The following BACH2 variants were observed in gnomAD, a reference collection of about 807,000 sequenced individuals.
The protein encoded by BACH2 is transcription regulator protein BACH2.
A neutral mutation model predicts 61.8 loss-of-function variants in BACH2; 5 were observed. The ratio of observed to expected loss-of-function variants is 0.08; its 90% confidence interval spans 0.04 to 0.17. BACH2 has a LOEUF of 0.17. BACH2 is among the 10% of genes least tolerant of loss of function. The pLI is 1.00. For synonymous variants in BACH2, 446 were observed against 440.1 expected, an observed-to-expected ratio of 1.01 and a Z score of -0.17; for missense variants, 824 against 1,091.1, an observed-to-expected ratio of 0.76 and a Z score of 3.45.
chr6:90,206,041 A>G (rs1232546533), intron 4 of BACH2, among the ~76,000 whole-genome samples: 1 of 152,218 alleles, frequency 6.6e-6, no homozygotes, highest in Non-Finnish European at 1.5e-5. Context: ...TGTCCCCAAC[A>G]TTAAAAACAA....
intron 4 of BACH2, among the ~76,000 whole-genome samples, chr6:90,095,730 T>C (rs1782354761): frequency 6.6e-6 from 1 of 152,006 alleles, no homozygotes; most frequent in Non-Finnish European, 1.5e-5. Context: ...ATTGGAATAC[T>C]AGCCTGTATT....
At chr6:90,230,448 T>C (rs979706834) in intron 3 of BACH2, among the ~76,000 whole-genome samples, 2 of 152,164 alleles carry the variant, frequency 1.3e-5, no homozygotes, top group South Asian at 4.1e-4. Flanking sequence ...ATATAGAAAA[T>C]ACTCAGTAAA....
chr6:90,167,203 G>A (rs1767656355), intron 4 of BACH2, among the ~76,000 whole-genome samples: 1 of 152,170 alleles, frequency 6.6e-6, no homozygotes, highest in African/African-American at 2.4e-5. Context: ...CAGAGGTAGA[G>A]TGAAGCTATG....
chr6:90,183,422 T>G (rs1239982723), intron 4 of BACH2, among the ~76,000 whole-genome samples: 2 of 152,248 alleles, frequency 1.3e-5, no homozygotes, highest in African/African-American at 2.4e-5. Context: ...AAGTGTGATC[T>G]GTGAAATTCT....
At chr6:90,058,384 G>C (rs553796063) in intron 5 of BACH2, among the ~76,000 whole-genome samples, 1 of 152,164 alleles carries the variant, frequency 6.6e-6, no homozygotes, top group Non-Finnish European at 1.5e-5. Flanking sequence ...TTGCTTCAAA[G>C]AGAATAAAAT....
chr6:90,218,203 G>A (rs1395215437), intron 3 of BACH2: 2 of 152,174 alleles, frequency 1.3e-5, no homozygotes, highest in African/African-American at 2.4e-5. Context: ...GTAGTTTACC[G>A]CTACTGGAAC....
chr6:90,080,838 C>CA, intron 5 of BACH2: 1 of 927,654 alleles, frequency 1.1e-6, no homozygotes, highest in African/African-American at 1.8e-5. Flanking sequence ...GCAGAGCTAA[C>CA]ACCGTCTTCA....
chr6:90,100,257 A>G (rs779075641), intron 4 of BACH2, among the ~76,000 whole-genome samples: 5 of 152,182 alleles, frequency 3.3e-5, no homozygotes, highest in Non-Finnish European at 5.9e-5. Flanking sequence ...ATGGTTAGAC[A>G]TATTTGGACA....
intron 6 of BACH2, among the ~76,000 whole-genome samples, chr6:89,991,563 A>T (rs902786664): frequency 4.6e-5 from 7 of 152,232 alleles, no homozygotes; most frequent in Admixed American, 1.3e-4. Context: ...ACCACTAAAT[A>T]CTTCTGCATA....
chr6:90,075,174 T>C (rs1781417347), intron 5 of BACH2, among the ~76,000 whole-genome samples: 1 of 152,176 alleles, frequency 6.6e-6, no homozygotes, highest in South Asian at 2.1e-4. Flanking sequence ...AGGCACATAC[T>C]ACCATTAAAG....
chr6:90,250,517 C>CATTT (rs1260422018), intron 3 of BACH2, among the ~76,000 whole-genome samples: 2 of 152,062 alleles, frequency 1.3e-5, no homozygotes, highest in African/African-American at 4.8e-5. Context: ...TTCATTCATT[C>CATTT]GACAGATATT....
At chr6:90,261,076 T>C (rs1771142286) in intron 2 of BACH2, among the ~76,000 whole-genome samples, 1 of 152,206 alleles carries the variant, frequency 6.6e-6, no homozygotes, top group African/African-American at 2.4e-5. Flanking sequence ...ACTACGCTTC[T>C]AGCTGTAGAT....
chr6:90,102,839 T>A (rs145820033), intron 4 of BACH2, among the ~76,000 whole-genome samples: 3,871 of 122,060 alleles, frequency 0.032, 97 homozygotes, highest in Middle Eastern at 0.077. Context: ...ATAATAATAA[T>A]AAAAATAAAA....
At chr6:89,945,320 C>T (rs1457014418) in intron 7 of BACH2, among the ~76,000 whole-genome samples, 2 of 152,084 alleles carry the variant, frequency 1.3e-5, no homozygotes, top group African/African-American at 4.8e-5. Flanking sequence ...CAAAATGGAT[C>T]AACATTATGG....
chr6:90,133,451 A>C (rs181424177), intron 4 of BACH2, among the ~76,000 whole-genome samples: 234 of 152,364 alleles, frequency 1.5e-3, no homozygotes, highest in Non-Finnish European at 2.6e-3. Flanking sequence ...GCTTTGAGAT[A>C]TAATTCAGTA....
At chr6:90,041,004 A>C (rs1414386335) in intron 5 of BACH2, among the ~76,000 whole-genome samples, 1 of 152,200 alleles carries the variant, frequency 6.6e-6, no homozygotes, top group Non-Finnish European at 1.5e-5. Flanking sequence ...CAATCATATC[A>C]TCTGCAAATA....
At chr6:90,282,521 T>C (rs1771889480) in intron 1 of BACH2, among the ~76,000 whole-genome samples, 1 of 152,184 alleles carries the variant, frequency 6.6e-6, no homozygotes, top group East Asian at 1.9e-4. Flanking sequence ...TTCCATGGTG[T>C]ATGTACCACA....
At chr6:90,172,826 TTAAA>T (rs1318948014) in intron 4 of BACH2, among the ~76,000 whole-genome samples, 1 of 152,076 alleles carries the variant, frequency 6.6e-6, no homozygotes, top group Non-Finnish European at 1.5e-5. Context: ...ATGACTATGT[TTAAA>T]TAGAGTATAA....
intron 5 of BACH2, among the ~76,000 whole-genome samples, chr6:90,015,318 T>G (rs1319674436): frequency 6.6e-6 from 1 of 152,140 alleles, no homozygotes; most frequent in African/African-American, 2.4e-5. Flanking sequence ...TTGCTTACTT[T>G]GGGTTTAATT....
Sources: gnomAD v4.1 joint callset for allele counts (sites outside exome capture counted in the v4.1 genomes callset) on GRCh38, gnomAD v4.1.1 for gene constraint, MANE v1.5 for transcripts, NCBI Gene and HGNC (gene_info 2026-07-23, HGNC 2026-07-21) for gene names.